KANK1: variants seen among roughly 807,000 people sequenced by gnomAD.
The protein encoded by KANK1 is KN motif and ankyrin repeat domain-containing protein 1.
KANK1 carries 109 observed loss-of-function variants against 106.2 expected under a neutral mutation model. The ratio of observed to expected loss-of-function variants is 1.03; its 90% CI spans 0.88 to 1.20. The LOEUF (loss-of-function observed/expected upper bound fraction) is 1.20, where lower values mean the gene tolerates loss of function less well. Ranked by LOEUF, KANK1 falls within the 50% of genes most tolerant of loss-of-function variation. The pLI, the probability that KANK1 is intolerant of heterozygous loss-of-function variation, is 0.00. For synonymous variants in KANK1, 873 were observed against 652.2 expected (o/e 1.34, Z -5.16); for missense variants, 2,399 against 1,710.7 (o/e 1.40, Z -7.10).
At chr9:480,663 C>A (rs1053692543) in intron 3 of KANK1, among the ~76,000 whole-genome samples, 2 of 152,210 alleles carry the variant, frequency 1.3e-5, no homozygotes, top group African/African-American at 2.4e-5. Context: ...GAATTATTTT[C>A]GTCAGCTTTC....
chr9:553,143 G>T (rs2061379037), intron 1 of KANK1, among the ~76,000 whole-genome samples: 1 of 152,016 alleles, frequency 6.6e-6, no homozygotes, highest in African/African-American at 2.4e-5. Flanking sequence ...GCGAGACCCT[G>T]TCTCAAAAAG....
chr9:617,847 T>C (rs1392452112), intron 1 of KANK1, among the ~76,000 whole-genome samples: 1 of 152,240 alleles, frequency 6.6e-6, no homozygotes, highest in East Asian at 1.9e-4. Flanking sequence ...GTAAGACTTC[T>C]GTCTTTTGTG....
intron 3 of KANK1, among the ~76,000 whole-genome samples, chr9:482,339 G>A (rs1040774785): frequency 7.2e-5 from 11 of 152,180 alleles, no homozygotes; most frequent in Admixed American, 1.3e-4. Context: ...TTTCGGATTC[G>A]AATTTGTCTT....
chr9:731,627 T>C (rs542564029), intron 5 of KANK1: 1 of 157,496 alleles, frequency 6.3e-6, no homozygotes, highest in South Asian at 2.0e-4. Context: ...CATCACTCTC[T>C]GGGCCAACGA....
chr9:654,097 A>G (rs777098737), intron 1 of KANK1, among the ~76,000 whole-genome samples: 1 of 152,194 alleles, frequency 6.6e-6, no homozygotes, highest in Non-Finnish European at 1.5e-5. Flanking sequence ...GAATAAGAGC[A>G]GATCGTTTTT....
At chr9:571,052 A>G (rs768828514) in intron 1 of KANK1, among the ~76,000 whole-genome samples, 2 of 152,146 alleles carry the variant, frequency 1.3e-5, no homozygotes, top group Non-Finnish European at 2.9e-5. Flanking sequence ...CATTTTGTCA[A>G]ATTGATTTCT....
At chr9:620,569 A>C (rs1379229781) in intron 1 of KANK1, among the ~76,000 whole-genome samples, 1 of 151,832 alleles carries the variant, frequency 6.6e-6, no homozygotes, top group Non-Finnish European at 1.5e-5. Context: ...CACCCGGCTA[A>C]TTTTTTGGTA....
At chr9:665,489 T>A (rs1407576968) in intron 1 of KANK1, among the ~76,000 whole-genome samples, 1 of 152,184 alleles carries the variant, frequency 6.6e-6, no homozygotes, top group Non-Finnish European at 1.5e-5. Context: ...TGGCATGGAT[T>A]TATATCTGGG....
intron 1 of KANK1, chr9:660,320 G>GT (rs1311969365): frequency 1.8e-5 from 4 of 219,516 alleles, no homozygotes; most frequent in African/African-American, 9.2e-5. Flanking sequence ...ATGTTCATGG[G>GT]TTTTAACTGC....
chr9:483,533 C>T (rs2058243206), intron 3 of KANK1, among the ~76,000 whole-genome samples: 2 of 152,156 alleles, frequency 1.3e-5, no homozygotes, highest in Admixed American at 6.5e-5. Flanking sequence ...TTAGTTTTCT[C>T]ATCTATAAAA....
At chr9:633,438 A>G (rs1286823435) in intron 1 of KANK1, among the ~76,000 whole-genome samples, 1 of 152,102 alleles carries the variant, frequency 6.6e-6, no homozygotes, top group Non-Finnish European at 1.5e-5. Context: ...AGCCTGGGTG[A>G]CAGAGCGAGA....
At chr9:652,443 A>C (rs1479683699) in intron 1 of KANK1, among the ~76,000 whole-genome samples, 3 of 152,162 alleles carry the variant, frequency 2.0e-5, no homozygotes, top group African/African-American at 7.2e-5. Context: ...GAATCACTTG[A>C]ATCTGGTAGG....
At chr9:648,913 A>C (rs78255116) in intron 1 of KANK1, among the ~76,000 whole-genome samples, 51 of 152,296 alleles carry the variant, frequency 3.3e-4, no homozygotes, top group Non-Finnish European at 5.4e-4. Flanking sequence ...AAAACAATGT[A>C]CTTGCATGTC....
intron 3 of KANK1, among the ~76,000 whole-genome samples, chr9:726,043 G>T (rs1268960846): frequency 6.6e-6 from 1 of 152,192 alleles, no homozygotes; most frequent in Non-Finnish European, 1.5e-5. Context: ...TGGGTTTCCT[G>T]TATATCCTTC....
intron 2 of KANK1, among the ~76,000 whole-genome samples, chr9:691,897 A>G (rs982591634): frequency 1.3e-5 from 2 of 151,722 alleles, no homozygotes; most frequent in African/African-American, 4.8e-5. Flanking sequence ...GATTACACGC[A>G]TGAGCCACCA....
chr9:596,746 A>G (rs1444276544), intron 1 of KANK1, among the ~76,000 whole-genome samples: 1 of 151,742 alleles, frequency 6.6e-6, no homozygotes, highest in Non-Finnish European at 1.5e-5. Flanking sequence ...AATGAGATGA[A>G]ATTCACATAA....
upstream of KANK1, among the ~76,000 whole-genome samples, chr9:500,203 GAA>G (rs1041715405): frequency 3.4e-4 from 51 of 152,220 alleles, 1 homozygote; most frequent in African/African-American, 1.2e-3. Context: ...AAAATGGGGA[GAA>G]AAAATAGTTA....
In KANK1 at chr9:579,806, C is replaced by G. The variant is rs1821557184; in HGVS notation, c.-84+75052C>G. Among the ~76,000 whole-genome samples, 3 of 152,196 alleles carry G rather than the reference C, an allele frequency of 2.0e-5. No homozygotes were observed. The South Asian group carries it at 6.2e-4, about 31-fold the overall frequency. On this transcript the variant is annotated intron_variant, in intron 1 of 11. Coordinates refer to ENST00000382297, the MANE Select transcript of KANK1 (RefSeq NM_015158.5). ...TTGCTGTGGGTTCATTAACCCCACACTTAGAAAGTAATCATCTTTGGCTCT... is the reference window on the plus strand; with the variant it reads ...TTGCTGTGGGTTCATTAACCCCACAGTTAGAAAGTAATCATCTTTGGCTCT...
chr9:654,052 A>C (rs1168401176), intron 1 of KANK1, among the ~76,000 whole-genome samples: 3 of 152,210 alleles, frequency 2.0e-5, no homozygotes, highest in African/African-American at 7.2e-5. Context: ...ACTGAGGCTG[A>C]AATTGAGTGG....
Sources: allele counts gnomAD v4.1 joint callset (sites outside exome capture counted in the v4.1 genomes callset), GRCh38; gene constraint gnomAD v4.1.1; transcripts MANE v1.5; gene names NCBI Gene and HGNC (gene_info 2026-07-23, HGNC 2026-07-21).